Variants in QTMAN observed in about 807,000 individuals in gnomAD.
The protein encoded by QTMAN is tRNA-queuosine alpha-mannosyltransferase.
chr2:144,062,491 T>C, the QTMAN span, among the ~76,000 whole-genome samples: 3 of 152,204 alleles, frequency 2.0e-5, no homozygotes, highest in Non-Finnish European at 2.9e-5. Flanking sequence ...AATAAATACA[T>C]GAGAAGCTTT....
the QTMAN span, among the ~76,000 whole-genome samples, chr2:144,182,779 G>A: frequency 2.8e-5 from 2 of 70,350 alleles, no homozygotes; most frequent in Non-Finnish European, 6.2e-5. Context: ...CAAGTTATCA[G>A]GTACATTATA....
chr2:144,202,762 A>T, the QTMAN span, among the ~76,000 whole-genome samples: 3 of 152,208 alleles, frequency 2.0e-5, no homozygotes, highest in Non-Finnish European at 4.4e-5. Context: ...GATTTATCCT[A>T]GAGGTCTTTA....
the QTMAN span, among the ~76,000 whole-genome samples, chr2:144,073,920 A>G: frequency 1.3e-5 from 2 of 152,194 alleles, no homozygotes; most frequent in Admixed American, 6.6e-5. Flanking sequence ...CCCATTCTAC[A>G]AATGAGGAGG....
chr2:144,189,152 T>C, the QTMAN span, among the ~76,000 whole-genome samples: 1 of 152,236 alleles, frequency 6.6e-6, no homozygotes, highest in Admixed American at 6.5e-5. Flanking sequence ...TATGTGTGTA[T>C]GCATACATAT....
At chr2:144,079,982 C>G in the QTMAN span, among the ~76,000 whole-genome samples, 1 of 152,048 alleles carries the variant, frequency 6.6e-6, no homozygotes, top group Non-Finnish European at 1.5e-5. Flanking sequence ...TTCAATTGTG[C>G]ATCACTCTTT....
At chr2:143,954,014 A>C in the QTMAN span, among the ~76,000 whole-genome samples, 8 of 151,970 alleles carry the variant, frequency 5.3e-5, no homozygotes, top group Admixed American at 5.2e-4. Context: ...TTTGCTTGAG[A>C]ACTGATAGAA....
the QTMAN span, among the ~76,000 whole-genome samples, chr2:144,133,240 T>C: frequency 1.5e-4 from 8 of 51,824 alleles, no homozygotes; most frequent in African/African-American, 1.1e-3. Context: ...TTTATATTTA[T>C]ATATAAATAT....
chr2:144,019,438 G>T, the QTMAN span, among the ~76,000 whole-genome samples: 1 of 91,722 alleles, frequency 1.1e-5, no homozygotes, highest in African/African-American at 7.2e-5. Flanking sequence ...GCATGCAGGT[G>T]TGTGTGTGTG....
the QTMAN span, among the ~76,000 whole-genome samples, chr2:144,263,072 C>A: frequency 6.6e-6 from 1 of 151,474 alleles, no homozygotes; most frequent in Non-Finnish European, 1.5e-5. Flanking sequence ...GCTCACGACC[C>A]ATATCTCCAT....
the QTMAN span, among the ~76,000 whole-genome samples, chr2:144,012,730 T>C: frequency 1.3e-5 from 2 of 152,162 alleles, no homozygotes; most frequent in South Asian, 4.1e-4. Flanking sequence ...TGACAGAGAT[T>C]ATTAGTCATC....
chr2:144,076,802 A>G, the QTMAN span, among the ~76,000 whole-genome samples: 1 of 152,132 alleles, frequency 6.6e-6, no homozygotes, highest in African/African-American at 2.4e-5. Context: ...CTATCAAGGT[A>G]GGAAGTTTTT....
At chr2:144,284,479 T>TA in the QTMAN span, among the ~76,000 whole-genome samples, 7 of 151,790 alleles carry the variant, frequency 4.6e-5, no homozygotes, top group African/African-American at 1.2e-4. Context: ...GCTATAATAT[T>TA]AAAAAAAACT....
At chr2:144,280,285 T>C in the QTMAN span, among the ~76,000 whole-genome samples, 1 of 152,142 alleles carries the variant, frequency 6.6e-6, no homozygotes, top group African/African-American at 2.4e-5. Flanking sequence ...TTATGACAAA[T>C]CCACCCATAT....
At chr2:144,155,026 A>G in the QTMAN span, among the ~76,000 whole-genome samples, 3 of 152,214 alleles carry the variant, frequency 2.0e-5, no homozygotes, top group Non-Finnish European at 2.9e-5. Context: ...CACTCCTACC[A>G]TTAAAACAAG....
At chr2:144,004,459 CT>C in the QTMAN span, among the ~76,000 whole-genome samples, 1 of 151,932 alleles carries the variant, frequency 6.6e-6, no homozygotes, top group Non-Finnish European at 1.5e-5. Flanking sequence ...TAAAAATAAA[CT>C]GTATTTTTAT....
the QTMAN span, among the ~76,000 whole-genome samples, chr2:144,111,143 T>C: frequency 6.6e-6 from 1 of 152,014 alleles, no homozygotes. Flanking sequence ...ATCTACAGCT[T>C]CGTACTGAGA....
the QTMAN span, among the ~76,000 whole-genome samples, chr2:144,206,066 G>A: frequency 1.3e-5 from 2 of 152,168 alleles, no homozygotes; most frequent in African/African-American, 4.8e-5. Flanking sequence ...TTAGGCTGAA[G>A]CATTTATTCT....
chr2:144,054,458 G>A, the QTMAN span, among the ~76,000 whole-genome samples: 1 of 152,172 alleles, frequency 6.6e-6, no homozygotes, highest in Middle Eastern at 3.2e-3. Flanking sequence ...AGCCCACAGA[G>A]GTTAAGTGGG....
chr2:144,140,761 T>A, the QTMAN span, among the ~76,000 whole-genome samples: 2 of 152,010 alleles, frequency 1.3e-5, no homozygotes, highest in South Asian at 2.1e-4. Context: ...ATTAATCCAG[T>A]CTGTGACAAC....
Sources: gnomAD v4.1 joint callset for allele counts (sites outside exome capture counted in the v4.1 genomes callset) on GRCh38, gnomAD v4.1.1 for gene constraint, MANE v1.5 for transcripts, NCBI Gene and HGNC (gene_info 2026-07-23, HGNC 2026-07-21) for gene names.